Variants in TMTC2 observed in about 807,000 individuals in gnomAD.
TMTC2 encodes the protein transmembrane O-mannosyltransferase targeting cadherins 2.
In TMTC2, 43 loss-of-function variants were observed where a neutral mutation model predicts 82.4. That is an observed-to-expected ratio of 0.52 (90% confidence interval 0.41 to 0.67). The LOEUF (loss-of-function observed/expected upper bound fraction) is 0.67, where lower values mean the gene tolerates loss of function less well. TMTC2 is among the 30% of genes least tolerant of loss of function. TMTC2 has a pLI of 0.00. For synonymous variants in TMTC2, 408 were observed against 381.9 expected (o/e 1.07, Z -0.80); for missense variants, 919 against 1,012.4 (o/e 0.91, Z 1.25).
In TMTC2 at chr12:82,789,080, C is replaced by T. The variant is rs374868547; in HGVS notation, c.84-67930C>T. On this transcript the variant is annotated intron_variant, in intron 1 of 11. Transcript: ENST00000321196. Reference sequence around the variant, plus strand: ...GCTCCTCCTAACCCATTTAGGGATGCTTCTTTGAGGTAATACTTTTTTGAT... The same window carrying T: ...GCTCCTCCTAACCCATTTAGGGATGTTTCTTTGAGGTAATACTTTTTTGAT... Among the ~76,000 whole-genome samples, 36 of 152,308 alleles carry T rather than the reference C, an allele frequency of 2.4e-4. 1 individual carries two copies. Among genetic ancestry groups the T allele is most frequent in the African/African-American group, 7.7e-4 (32 of 41,592 alleles).
chr12:83,085,669 T>C (rs1374543948), intron 11 of TMTC2, among the ~76,000 whole-genome samples: 1 of 152,224 alleles, frequency 6.6e-6, no homozygotes, highest in Non-Finnish European at 1.5e-5. Flanking sequence ...CAACATGGTA[T>C]TCTTGAACTG....
intron 2 of TMTC2, among the ~76,000 whole-genome samples, chr12:82,876,832 C>A (rs962977680): frequency 3.3e-5 from 5 of 152,092 alleles, no homozygotes; most frequent in Admixed American, 1.3e-4. Flanking sequence ...ACCTGGGAAT[C>A]CTCATTTTAC....
In TMTC2 at chr12:83,132,731, T is replaced by A. The variant is rs74106073; in HGVS notation, c.*342T>A. On this transcript the variant is annotated 3_prime_UTR_variant, in exon 12 of 12. Transcript: ENST00000321196. ...TCTGAAAGCTAATTTCAAAATTATGTTGTTCCTTAAACACTGTGAGAGGAA... is the reference window on the plus strand; with the variant it reads ...TCTGAAAGCTAATTTCAAAATTATGATGTTCCTTAAACACTGTGAGAGGAA... 3,234 of 249,208 alleles carry A rather than the reference T, an allele frequency of 0.013. 134 individuals are homozygous for A. The highest frequency in any genetic ancestry group is 0.072 in the African/African-American group (3,080 of 42,918). 15.4% of individuals were successfully genotyped at this position (249,208 alleles called of 1,614,324 possible). A position where few individuals can be genotyped will look rare whatever the true frequency, so the allele number is the denominator to read the frequency against.
At chr12:83,022,506 G>T (rs949364176) in intron 8 of TMTC2, among the ~76,000 whole-genome samples, 2 of 151,960 alleles carry the variant, frequency 1.3e-5, no homozygotes, top group Non-Finnish European at 2.9e-5. Flanking sequence ...AAGGAACTTT[G>T]TCTTGATTAC....
chr12:82,779,437 TG>T (rs1390359591), intron 1 of TMTC2, among the ~76,000 whole-genome samples: 1 of 152,118 alleles, frequency 6.6e-6, no homozygotes, highest in African/African-American at 2.4e-5. Flanking sequence ...ACTTGATATT[TG>T]GGGCACAGCT....
At chr12:82,881,238 T>G (rs1318286491) in intron 2 of TMTC2, among the ~76,000 whole-genome samples, 2 of 152,220 alleles carry the variant, frequency 1.3e-5, no homozygotes, top group Admixed American at 1.3e-4. Flanking sequence ...ACTTTTGGGT[T>G]GTATTGAAGT....
intron 11 of TMTC2, among the ~76,000 whole-genome samples, chr12:83,062,155 A>T (rs1882767539): frequency 1.3e-5 from 2 of 151,730 alleles, no homozygotes; most frequent in Admixed American, 1.3e-4. Context: ...TTTTAAAATC[A>T]ATTCCTTGAA....
chr12:83,006,341 C>T (rs929689900), intron 8 of TMTC2, among the ~76,000 whole-genome samples: 2 of 152,190 alleles, frequency 1.3e-5, no homozygotes, highest in Admixed American at 6.5e-5. Context: ...CTTGGAGAGG[C>T]TCTTCCTGGG....
chr12:82,927,216 A>G (rs138969108), intron 3 of TMTC2, among the ~76,000 whole-genome samples: 8 of 152,330 alleles, frequency 5.3e-5, no homozygotes, highest in African/African-American at 1.9e-4. Context: ...GAATGAAGTC[A>G]GAATATCAAC....
chr12:82,997,182 C>T (rs1289189071), intron 8 of TMTC2, among the ~76,000 whole-genome samples: 1 of 134,366 alleles, frequency 7.4e-6, no homozygotes, highest in Non-Finnish European at 1.6e-5. Flanking sequence ...CTCTCCCACC[C>T]CTCCCCCTCT....
chr12:82,960,028 TC>T (rs2137293562), intron 4 of TMTC2, among the ~76,000 whole-genome samples: 1 of 151,898 alleles, frequency 6.6e-6, no homozygotes, highest in East Asian at 1.9e-4. Flanking sequence ...AGCAGACACT[TC>T]AAAAGAAGAC....
At chr12:82,737,460 A>G (rs1349368866) in intron 1 of TMTC2, among the ~76,000 whole-genome samples, 3 of 152,194 alleles carry the variant, frequency 2.0e-5, no homozygotes, top group African/African-American at 7.2e-5. Context: ...AGTTCTGTTT[A>G]CTGCTTTAAA....
At chr12:82,839,526 T>G (rs1870222621) in intron 1 of TMTC2, among the ~76,000 whole-genome samples, 1 of 152,186 alleles carries the variant, frequency 6.6e-6, no homozygotes, top group Non-Finnish European at 1.5e-5. Context: ...GACCTTTATT[T>G]TTATTAACAA....
intron 1 of TMTC2, among the ~76,000 whole-genome samples, chr12:82,774,390 G>T (rs1224885937): frequency 2.6e-5 from 4 of 152,130 alleles, no homozygotes; most frequent in Admixed American, 6.5e-5. Context: ...GGAGGCTGAG[G>T]AGGGTGGATT....
chr12:83,009,955 G>T (rs567215901), intron 8 of TMTC2, among the ~76,000 whole-genome samples: 3 of 152,272 alleles, frequency 2.0e-5, no homozygotes, highest in Non-Finnish European at 4.4e-5. Flanking sequence ...AGAATCTAAT[G>T]CTGCCACTGA....
intron 9 of TMTC2, among the ~76,000 whole-genome samples, chr12:83,046,182 A>G (rs1237280068): frequency 1.3e-5 from 2 of 152,152 alleles, no homozygotes; most frequent in African/African-American, 2.4e-5. Flanking sequence ...GTAGACCCAT[A>G]CGGATTCGCC....
intron 11 of TMTC2, among the ~76,000 whole-genome samples, chr12:83,109,510 C>T (rs2137544077): frequency 6.6e-6 from 1 of 152,284 alleles, no homozygotes; most frequent in East Asian, 1.9e-4. Flanking sequence ...AGAAAGCTCT[C>T]TTACCAGGTT....
At chr12:82,937,456 T>C (rs1156885859) in intron 4 of TMTC2, among the ~76,000 whole-genome samples, 1 of 152,042 alleles carries the variant, frequency 6.6e-6, no homozygotes, top group Non-Finnish European at 1.5e-5. Flanking sequence ...TAATAATGAA[T>C]TACATCTGTA....
At chr12:82,721,457 G>C (rs1874201795) in intron 1 of TMTC2, among the ~76,000 whole-genome samples, 1 of 151,804 alleles carries the variant, frequency 6.6e-6, no homozygotes, top group South Asian at 2.1e-4. Context: ...TTAGCCACTT[G>C]AACTACTAAA....
Sources: allele counts gnomAD v4.1 joint callset (sites outside exome capture counted in the v4.1 genomes callset), GRCh38; gene constraint gnomAD v4.1.1; transcripts MANE v1.5; gene names NCBI Gene and HGNC (gene_info 2026-07-23, HGNC 2026-07-21).